The following KRT5 variants were observed in gnomAD, a reference collection of about 807,000 sequenced individuals.
The protein encoded by KRT5 is keratin 5.
A neutral mutation model predicts 44.0 loss-of-function variants in KRT5; 17 were observed. The ratio of observed to expected loss-of-function variants is 0.39; its 90% CI spans 0.26 to 0.58. The LOEUF is 0.58. KRT5 is among the 20% of genes least tolerant of loss of function. The probability of loss-of-function intolerance (pLI) is 0.61; values close to 1 mark genes in which losing one functional copy is unlikely to be tolerated. For synonymous variants in KRT5, 329 were observed against 312.8 expected (o/e 1.05, Z -0.55); for missense variants, 737 against 785.5 (o/e 0.94, Z 0.74).
At chr12:52,519,246 G>T in intron 1 of KRT5, 86 bp from the exon 2 acceptor site, 1 of 1,557,658 alleles carries the variant, frequency 6.4e-7, no homozygotes, top group Non-Finnish European at 8.7e-7. Flanking sequence ...ACCTCTTTCC[G>T]TCCCTCTAAA....
At chr12:52,515,957 G>A in intron 7 of KRT5, 125 bp from the exon 8 acceptor site, 2 of 811,684 alleles carry the variant, frequency 2.5e-6, no homozygotes, top group Non-Finnish European at 4.3e-6. Context: ...ACACCCAAAA[G>A]CTGCTTAAGT....
chr12:52,518,857 G>T (rs1938660835), intron 2 of KRT5, 89 bp downstream of exon 2: 1 of 1,505,358 alleles, frequency 6.6e-7, no homozygotes, highest in African/African-American at 1.4e-5. Flanking sequence ...CAGCCCCAAA[G>T]GAAGGCATGG....
Position 52,519,877 on chromosome 12 carries a change from G to A in KRT5, c.420C>T (p.Ile140=). Residue 140 remains isoleucine, a synonymous_variant, in exon 1 of 9, where the codon ATC becomes ATT. Coordinates refer to ENST00000252242, the MANE Select transcript of KRT5 (RefSeq NM_000424.4). ...PGFPVCPPGG[I]QEVTVNQSLL... is the part of the protein sequence containing the mutation. ...GACTCTGGTTGACAGTGACCTCTTG[G>A]ATACCTCCAGGAGGGCAGACAGGAA... 1 of 1,613,872 alleles carries A rather than the reference G, an allele frequency of 6.2e-7. No individual in the cohort carries two copies. The highest frequency in any genetic ancestry group is 8.5e-7 in the Non-Finnish European group (1 of 1,179,998).
In KRT5 at chr12:52,518,009, G is replaced by A. The variant is rs1592194397; in HGVS notation, c.832-17C>T. 6.2e-7 allele frequency: 1 copy of A among 1,611,790 alleles called. No homozygotes were observed. The highest frequency in any genetic ancestry group is 8.5e-7 in the Non-Finnish European group (1 of 1,177,816). On this transcript the variant is annotated splice_polypyrimidine_tract_variant and intron_variant, in intron 3 of 8. Transcript: ENST00000252242. ...ATCTACATCCTGGGGAAACAGGGATGATTGGCACTGCACACACCGTCACCC... is the reference window on the plus strand; with the variant it reads ...ATCTACATCCTGGGGAAACAGGGATAATTGGCACTGCACACACCGTCACCC...
At position 52,519,796 on chromosome 12, in the gene KRT5, C is replaced by T; in HGVS notation, c.501G>A (p.Glu167=). Residue 167 remains glutamate (E), a synonymous_variant, in exon 1 of 9, where the codon GAG becomes GAA. Transcript: ENST00000252242. Reference sequence around the variant, plus strand: ...TGAGGGTCTTGATCTGCTCGCGCTCCTCGGTCCTCACCCTCTGGATGCTGG... The same window carrying T: ...TGAGGGTCTTGATCTGCTCGCGCTCTTCGGTCCTCACCCTCTGGATGCTGG... ...IDPSIQRVRT[E]EREQIKTLNN... 1 of 1,614,120 alleles carries T rather than the reference C, an allele frequency of 6.2e-7. No homozygotes were observed. Among genetic ancestry groups the T allele is most frequent in the Non-Finnish European group, 8.5e-7 (1 of 1,180,032 alleles).
In KRT5 at chr12:52,516,817, C is replaced by T. The variant is rs140660135; in HGVS notation, c.1259G>A (p.Arg420His). 6.0e-5 allele frequency: 97 copies of T among 1,614,084 alleles called. No homozygotes were observed. Among genetic ancestry groups the T allele is most frequent in the Middle Eastern group, 1.6e-4 (1 of 6,084 alleles). The change falls in exon 7 of 9, where the codon CGT becomes CAT. Residue 420 changes from arginine to histidine, a missense_variant. Transcript: ENST00000252242. ...GGCATCCTTGAGGGCCAGCTCCCCA[C>T]GCTGCTCGGCATCCGCAATGGCGTT... is the stretch of plus-strand genomic sequence containing the variant. ...LQNAIADAEQRGELALKDARN... is the reference protein window; with the variant it reads ...LQNAIADAEQHGELALKDARN...
At position 52,519,775 on chromosome 12, in the gene KRT5, G is replaced by T. The variant is rs748370126; in HGVS notation, c.522C>A (p.Thr174=). The change falls in exon 1 of 9, where the codon ACC becomes ACA. Residue 174 remains threonine, a synonymous_variant. Transcript: ENST00000252242. ...VRTEEREQIK[T]LNNKFASFID... ...TGAAGGAGGCAAACTTATTGTTGAGGGTCTTGATCTGCTCGCGCTCCTCGG... is the reference window on the plus strand; with the variant it reads ...TGAAGGAGGCAAACTTATTGTTGAGTGTCTTGATCTGCTCGCGCTCCTCGG... 3 of 1,613,994 alleles carry T rather than the reference G, an allele frequency of 1.9e-6. No homozygotes were observed. Among genetic ancestry groups the T allele is most frequent in the Admixed American group, 1.7e-5 (1 of 60,000 alleles).
intron 2 of KRT5, chr12:52,518,543 G>A: frequency 1.8e-6 from 1 of 543,296 alleles, no homozygotes; most frequent in Non-Finnish European, 3.5e-6. Context: ...CATCCTAGTT[G>A]CTGGTTCATA....
chr12:52,516,591 C>T (rs1007851320), intron 7 of KRT5, 46 bp downstream of exon 7: 14 of 1,580,046 alleles, frequency 8.9e-6, no homozygotes, highest in Middle Eastern at 1.8e-4. Flanking sequence ...AGAGCAGCTT[C>T]GCTTTATCAG....
Position 52,519,093 on chromosome 12 carries a change from G to A in KRT5, c.623C>T (p.Thr208Ile), listed in dbSNP as rs1377553555. The A allele has an allele frequency of 3.7e-6, 6 of 1,614,174 alleles. No homozygotes were observed. The highest frequency in any genetic ancestry group is 2.2e-5 in the South Asian group (2 of 91,072). The change falls in exon 2 of 9, where the codon ACC becomes ATC. Residue 208 changes from threonine to isoleucine, a missense_variant. By Grantham distance (89) the Thr-to-Ile change is moderately conservative. Around this residue, in one of 5 missense-constraint regions of KRT5, gnomAD observed 326 missense variants for 333.1 expected, o/e 0.98. Transcript: ENST00000252242. ...CTCCAGGTTCTGCCTCACAGTCTTG[G>A]TGCCCTGCTCCTGCAGCAGGGTCCA... ...TKWTLLQEQG[T>I]KTVRQNLEPL...
At chr12:52,518,895 G>T in intron 2 of KRT5, 51 bp downstream of exon 2, 1 of 1,608,076 alleles carries the variant, frequency 6.2e-7, no homozygotes, top group Admixed American at 1.7e-5. Context: ...AGCCCATCTG[G>T]TACCAAGAAG....
At chr12:52,518,796 ATTTGTTTGTTTGT>A in intron 2 of KRT5, 137 bp downstream of exon 2, 1 of 962,970 alleles carries the variant, frequency 1.0e-6, no homozygotes, top group East Asian at 2.5e-5. Context: ...TGGCTTGTGT[ATTTGTTTGTTTGT>A]TTTAGTACTG....
chr12:52,515,238 C>A lies in KRT5; in HGVS notation c.1477G>T (p.Val493Phe). The A allele has an allele frequency of 1.2e-6, 2 of 1,606,424 alleles. No individual in the cohort carries two copies. The highest frequency in any genetic ancestry group is 2.7e-5 in the African/African-American group (2 of 75,012). The change falls in exon 9 of 9, where the codon GTT becomes TTT. Residue 493 changes from valine (V) to phenylalanine (F), a missense_variant and splice_region_variant. Physicochemically the swap from Val to Phe is conservative, Grantham distance 50. This residue lies in a region of KRT5 where 344 missense variants were observed against 351.6 expected (regional missense o/e 0.98). Transcript: ENST00000252242. ...GEGVGPVNISVVTSSVSSGYG... is the reference protein window; with the variant it reads ...GEGVGPVNISFVTSSVSSGYG... ...CCAGAGGAAACACTGCTTGTGACAACAGCTGCAGGGAAAGGAGGGAGGACT... is the reference window on the plus strand; with the variant it reads ...CCAGAGGAAACACTGCTTGTGACAAAAGCTGCAGGGAAAGGAGGGAGGACT...
intron 5 of KRT5, 53 bp from the exon 6 acceptor site, chr12:52,517,285 C>G (rs1938626770): frequency 1.4e-5 from 22 of 1,609,142 alleles, no homozygotes. Flanking sequence ...ATGGGAAGAA[C>G]TTTCCCAAAG....
At chr12:52,516,394 G>A (rs906375579) in intron 7 of KRT5, 26 of 547,038 alleles carry the variant, frequency 4.8e-5, no homozygotes, top group African/African-American at 4.3e-4. Context: ...GTGTCAAGAA[G>A]ATTGCTGAGT....
At chr12:52,518,498 A>T (rs1233004763) in intron 2 of KRT5, 6 of 332,242 alleles carry the variant, frequency 1.8e-5, no homozygotes, top group Middle Eastern at 3.9e-4. Context: ...CAGAGGCTTT[A>T]AAAAAAAAAA....
intron 5 of KRT5, 105 bp from the exon 6 acceptor site, chr12:52,517,337 G>T (rs567206131): frequency 2.9e-6 from 4 of 1,391,108 alleles, no homozygotes; most frequent in African/African-American, 2.8e-5. Flanking sequence ...ATAGTGTGGG[G>T]CTGGTTCAGG....
At chr12:52,516,884 G>T (rs967677382) in intron 6 of KRT5, 27 bp from the exon 7 acceptor site, 1 of 1,612,146 alleles carries the variant, frequency 6.2e-7, no homozygotes, top group Non-Finnish European at 8.5e-7. Context: ...GGAGAGTGGG[G>T]TTGCTTGGGA....
chr12:52,518,640 G>A (rs943352634), intron 2 of KRT5: 19 of 570,580 alleles, frequency 3.3e-5, no homozygotes, highest in South Asian at 5.6e-5. Context: ...CCCATGTACC[G>A]GGGAGGAAAG....
Sources: gnomAD v4.1 joint callset for allele counts on GRCh38, gnomAD v4.1.1 for gene constraint, gnomAD v4.1.1 regional missense constraint, MANE v1.5 for transcripts, NCBI Gene and HGNC (gene_info 2026-07-23, HGNC 2026-07-21) for gene names.